RBM33: variants seen among roughly 807,000 people sequenced by gnomAD.
RBM33 encodes RNA binding motif protein 33, also known as RNA-binding protein 33.
RBM33 carries 28 observed loss-of-function variants against 132.6 expected under a neutral mutation model. The ratio of observed to expected loss-of-function variants is 0.21; its 90% CI spans 0.16 to 0.29. The LOEUF is 0.29. RBM33 is among the 10% of genes least tolerant of loss of function. RBM33 has a pLI of 1.00. For missense variants in RBM33, 1,291 were observed against 1,518.5 expected (o/e 0.85, Z 2.49); for synonymous variants, 634 against 593.0 (o/e 1.07, Z -1.01).
chr7:155,654,974 T>C (rs1327358536), intron 1 of RBM33, among the ~76,000 whole-genome samples: 1 of 152,250 alleles, frequency 6.6e-6, no homozygotes, highest in Non-Finnish European at 1.5e-5. Context: ...TTTGTGCTTT[T>C]AGGTATTGCA....
chr7:155,686,868 C>G (rs905791149), intron 5 of RBM33, among the ~76,000 whole-genome samples: 1 of 152,166 alleles, frequency 6.6e-6, no homozygotes, highest in African/African-American at 2.4e-5. Context: ...TTTTCTTAAT[C>G]CAGTCTATCA....
At chr7:155,753,291 GC>G (rs1007111161) in intron 14 of RBM33, among the ~76,000 whole-genome samples, 1 of 152,166 alleles carries the variant, frequency 6.6e-6, no homozygotes, top group African/African-American at 2.4e-5. Flanking sequence ...TTCTAGATTT[GC>G]AAAATGGGAT....
At chr7:155,740,785 A>G (rs991899239) in intron 12 of RBM33, among the ~76,000 whole-genome samples, 1 of 152,136 alleles carries the variant, frequency 6.6e-6, no homozygotes, top group African/African-American at 2.4e-5. Flanking sequence ...CATTAAATAT[A>G]TATAAGAGGC....
rs1019328901 is a variant in RBM33, at chr7:155,777,045, T to A, written c.*2004T>A. On this transcript the variant is annotated 3_prime_UTR_variant, in exon 18 of 18. Coordinates refer to ENST00000401878, the MANE Select transcript of RBM33 (RefSeq NM_053043.3). ...TACTGATACAATGAAATGAGTTTCA[T>A]GACTTTTTTTTTTTTTAAACACTTT... 3 of 151,744 alleles carry A rather than the reference T, an allele frequency of 2.0e-5. No homozygotes were observed. Among genetic ancestry groups the A allele is most frequent in the African/African-American group, 7.4e-5 (3 of 40,698 alleles). The allele number at this position is 151,744 out of a possible 1,614,324, so 9.4% of individuals were successfully genotyped here. A position where few individuals can be genotyped will look rare whatever the true frequency, so the allele number is the denominator to read the frequency against.
At chr7:155,644,992 C>T (rs960988768) in intron 1 of RBM33, 73 bp downstream of exon 1, 4 of 1,219,602 alleles carry the variant, frequency 3.3e-6, no homozygotes, top group Non-Finnish European at 4.4e-6. Context: ...GGGGGGCCTC[C>T]CCGCTTAGGA....
chr7:155,672,283 A>G (rs1428029492), intron 2 of RBM33, among the ~76,000 whole-genome samples: 2 of 152,188 alleles, frequency 1.3e-5, no homozygotes, highest in Non-Finnish European at 2.9e-5. Context: ...TGATTATTCA[A>G]CAGACCCAAA....
At chr7:155,645,182 C>T (rs1260070918) in intron 1 of RBM33, 1 of 392,350 alleles carries the variant, frequency 2.5e-6, no homozygotes, top group Non-Finnish European at 4.6e-6. Context: ...AGTGTCAGGC[C>T]CATCTCTGGC....
intron 5 of RBM33, among the ~76,000 whole-genome samples, chr7:155,682,955 G>T (rs908311310): frequency 6.6e-6 from 1 of 151,806 alleles, no homozygotes; most frequent in Non-Finnish European, 1.5e-5. Context: ...TAATACTCAC[G>T]GTACTCTTCC....
chr7:155,750,811 A>C (rs761396672), intron 14 of RBM33, among the ~76,000 whole-genome samples: 3 of 151,468 alleles, frequency 2.0e-5, no homozygotes, highest in Non-Finnish European at 2.9e-5. Context: ...GCTTTATTCT[A>C]ATCAAGTTAA....
chr7:155,669,912 G>A (rs951192853), intron 2 of RBM33, among the ~76,000 whole-genome samples: 1 of 152,180 alleles, frequency 6.6e-6, no homozygotes, highest in Non-Finnish European at 1.5e-5. Flanking sequence ...CCATCTGGAA[G>A]CCAGAGGTTA....
Position 155,763,878 on chromosome 7 carries a change from G to T in RBM33, c.3046G>T (p.Val1016Leu), listed in dbSNP as rs1393710887. The T allele has an allele frequency of 6.2e-7, 1 of 1,611,818 alleles. No homozygotes were observed. The highest frequency in any genetic ancestry group is 2.2e-5 in the East Asian group (1 of 44,804). Reference protein sequence around the residue: ...QPQRLPQPPEVGPQPARKVTL... With the variant: ...QPQRLPQPPELGPQPARKVTL... Reference sequence around the variant, plus strand: ...CCAGCGGCTTCCCCAGCCTCCGGAAGTGGGACCACAGCCTGCCCGCAAGGT... The same window carrying T: ...CCAGCGGCTTCCCCAGCCTCCGGAATTGGGACCACAGCCTGCCCGCAAGGT... The change falls in exon 15 of 18, where the codon GTG (valine) becomes TTG (leucine). Residue 1016 changes from valine (V) to leucine (L), a missense_variant. Around this residue, in one of 7 missense-constraint regions of RBM33, gnomAD observed 841 missense variants for 912.0 expected, o/e 0.92. Coordinates refer to ENST00000401878, the MANE Select transcript of RBM33 (RefSeq NM_053043.3).
intron 16 of RBM33, among the ~76,000 whole-genome samples, chr7:155,769,522 A>ATG (rs1802342182): frequency 6.6e-6 from 1 of 152,090 alleles, no homozygotes; most frequent in Non-Finnish European, 1.5e-5. Flanking sequence ...AGGCATGGAA[A>ATG]TGTAGAGAGT....
At chr7:155,737,430 AT>A (rs1290300564) in intron 9 of RBM33, 99 bp from the exon 10 acceptor site, 7 of 1,289,282 alleles carry the variant, frequency 5.4e-6, no homozygotes, top group Admixed American at 6.2e-5. Flanking sequence ...GTTACTTGAC[AT>A]TTTTGAGGAA....
At position 155,778,430 on chromosome 7, in the gene RBM33, C is replaced by T. The variant is rs867521056; in HGVS notation, c.*3389C>T. The T allele has an allele frequency of 6.6e-6, 1 of 152,368 alleles. No homozygotes were observed. The highest frequency in any genetic ancestry group is 2.1e-4 in the South Asian group (1 of 4,830). 9.4% of individuals were successfully genotyped at this position (152,368 alleles called of 1,614,324 possible). A position where few individuals can be genotyped will look rare whatever the true frequency, so the allele number is the denominator to read the frequency against. ...TGAAAAGGAGGAAGGGATGGACAGACCCAGGTGAGGAGAGGCCTGGGGATT... is the reference window on the plus strand; with the variant it reads ...TGAAAAGGAGGAAGGGATGGACAGATCCAGGTGAGGAGAGGCCTGGGGATT... On this transcript the variant is annotated 3_prime_UTR_variant, in exon 18 of 18. Transcript: ENST00000401878. The surrounding 1 kb of genome is among the most constrained non-coding windows in gnomAD (Gnocchi z 4.0).
chr7:155,721,495 A>G (rs529666772), intron 9 of RBM33, among the ~76,000 whole-genome samples: 2 of 152,330 alleles, frequency 1.3e-5, no homozygotes, highest in South Asian at 2.1e-4. Context: ...ATTTAACTAT[A>G]CAAGAATGCA....
chr7:155,764,081 G>A (rs988927194), intron 15 of RBM33, 63 bp downstream of exon 15: 3 of 1,307,494 alleles, frequency 2.3e-6, no homozygotes, highest in Non-Finnish European at 3.1e-6. Context: ...GCAGTGTTCA[G>A]ACGTGCTCTA....
At chr7:155,663,239 T>C (rs923995643) in intron 1 of RBM33, among the ~76,000 whole-genome samples, 7 of 151,812 alleles carry the variant, frequency 4.6e-5, no homozygotes, top group African/African-American at 1.5e-4. Flanking sequence ...TTGTTCTGTT[T>C]GGTAATTGTA....
chr7:155,739,492 T>C, intron 11 of RBM33: 1 of 571,298 alleles, frequency 1.8e-6, no homozygotes, highest in Non-Finnish European at 3.1e-6. Flanking sequence ...CTTAGGACAA[T>C]TCAATCCTAG....
chr7:155,729,141 G>A (rs1800880270), intron 9 of RBM33, among the ~76,000 whole-genome samples: 1 of 152,212 alleles, frequency 6.6e-6, no homozygotes, highest in Admixed American at 6.5e-5. Context: ...AGGAGAGAGA[G>A]CAAAGTGGGG....
Sources: allele counts gnomAD v4.1 joint callset (sites outside exome capture counted in the v4.1 genomes callset), GRCh38; gene constraint gnomAD v4.1.1; regional missense constraint gnomAD v4.1.1; non-coding constraint Gnocchi (gnomAD v3.1); transcripts MANE v1.5; gene names NCBI Gene and HGNC (gene_info 2026-07-23, HGNC 2026-07-21).